R3HDM1: variants seen among roughly 807,000 people sequenced by gnomAD.
The protein encoded by R3HDM1 is R3H domain containing 1.
Under a neutral mutation model 141.1 loss-of-function variants are expected in R3HDM1, and 46 were observed. That is an observed-to-expected ratio of 0.33 (90% CI 0.26 to 0.42). The LOEUF (loss-of-function observed/expected upper bound fraction) is 0.42, where lower values mean the gene tolerates loss of function less well. Ranked by LOEUF, R3HDM1 falls within the 10% of genes least tolerant of loss-of-function variation. R3HDM1 has a pLI of 1.00. For missense variants in R3HDM1, 1,184 were observed against 1,368.3 expected (o/e 0.87, Z 2.12); for synonymous variants, 435 against 472.9 (o/e 0.92, Z 1.04).
intron 3 of R3HDM1, among the ~76,000 whole-genome samples, chr2:135,614,778 T>G (rs557864969): frequency 6.6e-6 from 1 of 152,118 alleles, no homozygotes; most frequent in Non-Finnish European, 1.5e-5. Flanking sequence ...TTTAGGTATG[T>G]GCATTTTCAT....
intron 9 of R3HDM1, 23 bp downstream of exon 9, chr2:135,632,024 A>G (rs1363336897): frequency 6.5e-7 from 1 of 1,530,628 alleles, no homozygotes; most frequent in Non-Finnish European, 8.9e-7. Context: ...AGATGTAACT[A>G]CATATTATAT....
intron 7 of R3HDM1, among the ~76,000 whole-genome samples, chr2:135,626,678 A>G (rs894628656): frequency 6.6e-6 from 1 of 152,190 alleles, no homozygotes; most frequent in African/African-American, 2.4e-5. Context: ...CCACATAGAC[A>G]TTTTTTAACT....
intron 16 of R3HDM1, among the ~76,000 whole-genome samples, chr2:135,646,574 G>A (rs554584691): frequency 9.2e-5 from 14 of 151,604 alleles, no homozygotes; most frequent in Non-Finnish European, 1.5e-4. Context: ...TGGGCCTGGC[G>A]CGTTGGCTCA....
rs1376431303 is a variant in R3HDM1, at chr2:135,608,011, A to C, written c.171+2995A>C. On this transcript the variant is annotated intron_variant, in intron 3 of 26. Transcript: ENST00000683871. ...TGCCATATTCATTGTTTATTGAAGT[A>C]TTTATTAATAATTTACTATATGGGC... 3.1e-6 allele frequency: 3 copies of C among 966,936 alleles called. No homozygotes were observed. In the African/African-American group the frequency reaches 5.3e-5, roughly 17 times the overall value. 59.9% of individuals were successfully genotyped at this position (966,936 alleles called of 1,614,324 possible).
intron 5 of R3HDM1, among the ~76,000 whole-genome samples, chr2:135,617,807 C>CA (rs2061176609): frequency 2.0e-5 from 3 of 151,984 alleles, no homozygotes; most frequent in Admixed American, 2.0e-4. Flanking sequence ...TCCTTTATCC[C>CA]AAAAAACAGT....
intron 21 of R3HDM1, among the ~76,000 whole-genome samples, chr2:135,699,054 A>ATTAGATT (rs59248857): frequency 1.2e-4 from 11 of 93,860 alleles, no homozygotes; most frequent in African/African-American, 4.5e-4. Context: ...TAAGATAGAT[A>ATTAGATT]AGATAGATTG....
chr2:135,718,874 G>T (rs989589644), intron 24 of R3HDM1, among the ~76,000 whole-genome samples: 1 of 152,072 alleles, frequency 6.6e-6, no homozygotes, highest in Admixed American at 6.6e-5. Context: ...AAGGCTATGC[G>T]CAGTGGCTCA....
intron 1 of R3HDM1, among the ~76,000 whole-genome samples, chr2:135,564,654 A>G (rs1189455023): frequency 6.6e-6 from 1 of 152,226 alleles, no homozygotes; most frequent in Non-Finnish European, 1.5e-5. Flanking sequence ...AGTGCAGAGT[A>G]GAGTGAGATT....
chr2:135,622,720 A>G lies in R3HDM1; in HGVS notation c.485A>G (p.Lys162Arg). 3 of 1,587,196 alleles carry G rather than the reference A, an allele frequency of 1.9e-6. No individual in the cohort carries two copies. The highest frequency in any genetic ancestry group is 2.6e-6 in the Non-Finnish European group (3 of 1,161,710). Residue 162 changes from lysine to arginine, a missense_variant, in exon 7 of 27, where the codon AAA (lysine) becomes AGA (arginine). Lys to Arg is a conservative substitution (Grantham distance 26). Transcript: ENST00000683871. Reference sequence around the variant, plus strand: ...CATGAATTTTTAGTAAATACATTAAAAAACAATCCCAGGTAAAAATTAAAT... The same window carrying G: ...CATGAATTTTTAGTAAATACATTAAGAAACAATCCCAGGTAAAAATTAAAT... ...DLHEFLVNTL[K>R]NNPRDRMMLL...
chr2:135,631,207 T>C (rs939543318), intron 7 of R3HDM1, among the ~76,000 whole-genome samples: 4 of 152,176 alleles, frequency 2.6e-5, no homozygotes, highest in African/African-American at 7.2e-5. Flanking sequence ...TTTAGAATAC[T>C]GTTTCTATGG....
intron 7 of R3HDM1, among the ~76,000 whole-genome samples, chr2:135,624,205 C>T (rs2061774638): frequency 1.3e-5 from 2 of 152,052 alleles, no homozygotes; most frequent in East Asian, 1.9e-4. Flanking sequence ...ACCATCCTGG[C>T]TAACACAGTG....
intron 3 of R3HDM1, among the ~76,000 whole-genome samples, chr2:135,613,711 G>A (rs777050945): frequency 1.6e-4 from 25 of 152,196 alleles, no homozygotes; most frequent in Non-Finnish European, 2.8e-4. Context: ...AGCTACTTGG[G>A]AGGCTGAGGC....
intron 1 of R3HDM1, among the ~76,000 whole-genome samples, chr2:135,567,275 T>C (rs1703012218): frequency 6.6e-6 from 1 of 152,214 alleles, no homozygotes; most frequent in African/African-American, 2.4e-5. Context: ...ATATAATTAA[T>C]TGGTACTTAT....
intron 23 of R3HDM1, among the ~76,000 whole-genome samples, chr2:135,714,438 CAGATTAAAGA>C (rs771173849): frequency 5.9e-5 from 9 of 152,138 alleles, no homozygotes; most frequent in Non-Finnish European, 1.3e-4. Context: ...TGTTCTGCTT[CAGATTAAAGA>C]AGATTAAAGA....
chr2:135,680,138 A>C (rs2069994082), intron 20 of R3HDM1, 35 bp from the exon 21 acceptor site: 1 of 1,598,338 alleles, frequency 6.3e-7, no homozygotes, highest in Non-Finnish European at 8.5e-7. Context: ...CTTGAAAAAA[A>C]CCTTTTTCTC....
chr2:135,652,902 C>A (rs1337340531), intron 18 of R3HDM1, among the ~76,000 whole-genome samples: 1 of 152,056 alleles, frequency 6.6e-6, no homozygotes, highest in Non-Finnish European at 1.5e-5. Context: ...AATTTGTTGT[C>A]ATAAAATTGT....
At position 135,724,506 on chromosome 2, in the gene R3HDM1, G is replaced by A; in HGVS notation, c.*214G>A. The stretch of plus-strand genomic sequence containing the variant: ...GGAATCCACATCAGAATGATACAGA[G>A]TTAGCAGGTTTTTCTAAGGAAATGC... On this transcript the variant is annotated 3_prime_UTR_variant, in exon 27 of 27. Transcript: ENST00000683871. 2.2e-6 allele frequency: 1 copy of A among 445,938 alleles called. No individual in the cohort carries two copies. Among genetic ancestry groups the A allele is most frequent in the South Asian group, 6.2e-5 (1 of 16,236 alleles). The allele number at this position is 445,938 out of a possible 1,614,324, so 27.6% of individuals were successfully genotyped here.
At chr2:135,663,475 A>G (rs1044200831) in intron 19 of R3HDM1, among the ~76,000 whole-genome samples, 1 of 152,174 alleles carries the variant, frequency 6.6e-6, no homozygotes, top group Admixed American at 6.5e-5. Flanking sequence ...AGCTTAAGTT[A>G]GTTGACTCAT....
rs765008975 is a variant in R3HDM1, at chr2:135,661,325, G to A, written c.2084G>A (p.Arg695His). 1.7e-5 allele frequency: 28 copies of A among 1,613,438 alleles called. No individual in the cohort carries two copies. The highest frequency in any genetic ancestry group is 3.3e-5 in the Admixed American group (2 of 59,972). The change falls in exon 19 of 27, where the codon CGC (arginine) becomes CAC (histidine). Residue 695 changes from arginine to histidine, a missense_variant. This residue lies in a region of R3HDM1 where 563 missense variants were observed against 562.0 expected (regional missense o/e 1.00). Transcript: ENST00000683871. ...GHYHSSQPQYRPVPSVHYNSH... is the reference protein window; with the variant it reads ...GHYHSSQPQYHPVPSVHYNSH... ...TATCACTCCAGCCAACCTCAGTATCGCCCAGTCCCTTCTGTTCATTACAAT... is the reference window on the plus strand; with the variant it reads ...TATCACTCCAGCCAACCTCAGTATCACCCAGTCCCTTCTGTTCATTACAAT...
Sources: allele counts gnomAD v4.1 joint callset (sites outside exome capture counted in the v4.1 genomes callset), GRCh38; gene constraint gnomAD v4.1.1; regional missense constraint gnomAD v4.1.1; transcripts MANE v1.5; gene names NCBI Gene and HGNC (gene_info 2026-07-23, HGNC 2026-07-21).